Variants in FMN1 observed in about 807,000 individuals in gnomAD.
The protein encoded by FMN1 is formin 1.
Under a neutral mutation model 132.4 loss-of-function variants are expected in FMN1, and 110 were observed. The ratio of observed to expected loss-of-function variants is 0.83; its 90% CI spans 0.71 to 0.97. FMN1 has a LOEUF of 0.97. Among genes scored for constraint, FMN1 ranks in the 50% least tolerant of loss-of-function variants. The pLI, the probability that FMN1 is intolerant of heterozygous loss-of-function variation, is 0.00. For synonymous variants in FMN1, 722 were observed against 651.7 expected, an observed-to-expected ratio of 1.11 and a Z score of -1.64; for missense variants, 1,792 against 1,705.3, an observed-to-expected ratio of 1.05 and a Z score of -0.90.
In FMN1 at chr15:32,872,980, T is replaced by C. The variant is rs1224403907; in HGVS notation, c.3835+15192A>G. 2.0e-5 allele frequency among the ~76,000 whole-genome samples: 3 copies of C among 152,158 alleles called. No homozygotes were observed. In the East Asian group the frequency reaches 5.8e-4, roughly 29 times the overall value. On this transcript the variant is annotated intron_variant, in intron 16 of 20. Coordinates refer to ENST00000616417, the MANE Select transcript of FMN1 (RefSeq NM_001277313.2). ...AAAGTTATTTTTAAAACACACAACCTAATCTGGTGGATGAATTCTGGTATC... is the reference window on the plus strand; with the variant it reads ...AAAGTTATTTTTAAAACACACAACCCAATCTGGTGGATGAATTCTGGTATC...
intron 4 of FMN1, among the ~76,000 whole-genome samples, chr15:33,137,267 C>T (rs1189847202): frequency 6.6e-6 from 1 of 152,146 alleles, no homozygotes; most frequent in Non-Finnish European, 1.5e-5. Flanking sequence ...CCATGCCACC[C>T]TTGCCTTTCC....
At chr15:32,849,271 G>A (rs979005235) in intron 17 of FMN1, among the ~76,000 whole-genome samples, 19 of 151,676 alleles carry the variant, frequency 1.3e-4, no homozygotes, top group South Asian at 4.2e-4. Context: ...GATTATAGGC[G>A]TGAGCCACCG....
At chr15:32,974,775 G>A (rs2923052) in intron 7 of FMN1, among the ~76,000 whole-genome samples, 77,187 of 152,096 alleles carry the variant, frequency 0.51, 21,349 homozygotes, top group East Asian at 0.77. Context: ...AATATCAATG[G>A]GTTCTTTTGG....
chr15:33,038,222 C>T (rs7176085), intron 6 of FMN1, among the ~76,000 whole-genome samples: 28,157 of 152,104 alleles, frequency 0.19, 2,791 homozygotes, highest in Middle Eastern at 0.24. Flanking sequence ...AGTGAGACTC[C>T]GCCTCAAACA....
chr15:33,102,632 G>A (rs192170816), intron 4 of FMN1, among the ~76,000 whole-genome samples: 69 of 152,100 alleles, frequency 4.5e-4, no homozygotes, highest in African/African-American at 1.3e-3. Context: ...GACCACAATG[G>A]CAGGAAAAGC....
At chr15:32,985,795 A>G (rs2033029563) in intron 7 of FMN1, among the ~76,000 whole-genome samples, 1 of 152,066 alleles carries the variant, frequency 6.6e-6, no homozygotes, top group Non-Finnish European at 1.5e-5. Flanking sequence ...CAATATGGAC[A>G]GGGCCCAGAT....
At chr15:33,149,319 GT>G (rs1224449522) in intron 4 of FMN1, among the ~76,000 whole-genome samples, 2 of 152,034 alleles carry the variant, frequency 1.3e-5, no homozygotes, top group African/African-American at 4.8e-5. Flanking sequence ...AGCATTTTAT[GT>G]ATTATTTTAT....
At chr15:33,193,787 C>A (rs76153033) in intron 2 of FMN1, 122 bp downstream of exon 2, 1 of 152,106 alleles carries the variant, frequency 6.6e-6, no homozygotes, top group Non-Finnish European at 1.5e-5. Flanking sequence ...TCCCAGCTCA[C>A]ACTCTGCTCC....
chr15:32,924,447 G>C (rs902952152), intron 10 of FMN1, among the ~76,000 whole-genome samples: 1 of 152,166 alleles, frequency 6.6e-6, no homozygotes, highest in African/African-American at 2.4e-5. Flanking sequence ...GTGTCTTGTA[G>C]GTCAGGACCT....
intron 9 of FMN1, among the ~76,000 whole-genome samples, chr15:32,946,588 G>C (rs991375768): frequency 6.6e-6 from 1 of 152,140 alleles, no homozygotes; most frequent in African/African-American, 2.4e-5. Flanking sequence ...AAGGCCTTTC[G>C]ACTTCCTCTT....
intron 2 of FMN1, among the ~76,000 whole-genome samples, chr15:33,188,807 C>T (rs1965978285): frequency 6.6e-6 from 1 of 152,072 alleles, no homozygotes; most frequent in African/African-American, 2.4e-5. Flanking sequence ...TGAACAAAGC[C>T]CAGGGAGTCA....
In FMN1 at chr15:32,949,970, C is replaced by CACAT. The variant is rs1555503145; in HGVS notation, c.3138+14136_3138+14137insATGT. 6.3e-3 allele frequency among the ~76,000 whole-genome samples: 55 copies of CACAT among 8,710 alleles called. 4 individuals are homozygous for CACAT. Among genetic ancestry groups the CACAT allele is most frequent in the Non-Finnish European group, 0.011 (42 of 3,854 alleles). The allele number at this position is 8,710 out of a possible 152,430, so 5.7% of individuals were successfully genotyped here. A position where few individuals can be genotyped will look rare whatever the true frequency, so the allele number is the denominator to read the frequency against. Reference sequence around the variant, plus strand: ...ATATATATATATATATATATACACACATATATATACACACACATATATATA... The same window carrying CACAT: ...ATATATATATATATATATATACACACACATATATATATACACACACATATATATA... On this transcript the variant is annotated intron_variant, in intron 9 of 20. Coordinates refer to ENST00000616417, the MANE Select transcript of FMN1 (RefSeq NM_001277313.2).
intron 17 of FMN1, among the ~76,000 whole-genome samples, chr15:32,808,901 G>T (rs1197072213): frequency 2.1e-5 from 3 of 144,458 alleles, no homozygotes; most frequent in Middle Eastern, 3.7e-3. Context: ...AAACTTTAGT[G>T]TTTTTTTTTT....
At chr15:33,049,510 T>A (rs2036866983) in intron 6 of FMN1, among the ~76,000 whole-genome samples, 1 of 152,320 alleles carries the variant, frequency 6.6e-6, no homozygotes, top group Non-Finnish European at 1.5e-5. Flanking sequence ...TAATTTATGA[T>A]GGTGATAGTG....
chr15:32,899,440 A>C (rs1222693733), intron 14 of FMN1, among the ~76,000 whole-genome samples: 1 of 151,646 alleles, frequency 6.6e-6, no homozygotes, highest in Admixed American at 6.6e-5. Flanking sequence ...CCCTCCCTGC[A>C]CCCCCCTGCC....
rs113661875 is a variant in FMN1, at chr15:33,153,416, A to T, written c.1499T>A (p.Leu500His). The T allele has an allele frequency of 6.5e-7, 1 of 1,536,626 alleles. No homozygotes were observed. Among genetic ancestry groups the T allele is most frequent in the Non-Finnish European group, 8.7e-7 (1 of 1,147,016 alleles). Residue 500 changes from leucine (L) to histidine (H), a missense_variant, in exon 4 of 21, where the codon CTT becomes CAT. Around this residue, in one of 3 missense-constraint regions of FMN1, gnomAD observed 638 missense variants for 645.2 expected, o/e 0.99. Transcript: ENST00000616417. ...KKPSPPAPAALGKVFNNSASQ... is the reference protein window; with the variant it reads ...KKPSPPAPAAHGKVFNNSASQ... ...GGCTGAATTATTAAACACCTTGCCA[A>T]GAGCTGCCGGTGCTGGTGGGGATGG... is the stretch of plus-strand genomic sequence containing the variant.
chr15:33,112,955 G>A (rs1180632671), intron 4 of FMN1, among the ~76,000 whole-genome samples: 3 of 152,114 alleles, frequency 2.0e-5, no homozygotes. Context: ...GGGAAGGCAG[G>A]GAAAGTCTAA....
At chr15:33,041,834 T>C (rs1422938055) in intron 6 of FMN1, among the ~76,000 whole-genome samples, 1 of 152,170 alleles carries the variant, frequency 6.6e-6, no homozygotes, top group Non-Finnish European at 1.5e-5. Context: ...TGAAAAATTC[T>C]GGAGAACCAT....
At chr15:32,902,067 C>T (rs1484841735) in intron 12 of FMN1, 27 bp from the exon 13 acceptor site, 2 of 1,591,486 alleles carry the variant, frequency 1.3e-6, no homozygotes, top group Non-Finnish European at 1.7e-6. Context: ...GTGTCATCTA[C>T]CTTCACATAT....
Sources: gnomAD v4.1 joint callset for allele counts (sites outside exome capture counted in the v4.1 genomes callset) on GRCh38, gnomAD v4.1.1 for gene constraint, gnomAD v4.1.1 regional missense constraint, MANE v1.5 for transcripts, NCBI Gene and HGNC (gene_info 2026-07-23, HGNC 2026-07-21) for gene names.